Variants in IP6K2 observed in about 807,000 individuals in gnomAD.
IP6K2 encodes ATP:1D-myo-inositol-hexakisphosphate phosphotransferase.
IP6K2 carries 9 observed loss-of-function variants against 43.3 expected under a neutral mutation model. That is an observed-to-expected ratio of 0.21 (90% CI 0.13 to 0.36). The LOEUF (loss-of-function observed/expected upper bound fraction) is 0.36, where lower values mean the gene tolerates loss of function less well. Ranked by LOEUF, IP6K2 falls within the 10% of genes least tolerant of loss-of-function variation. The pLI, the probability that IP6K2 is intolerant of heterozygous loss-of-function variation, is 1.00. For missense variants in IP6K2, 332 were observed against 538.4 expected (o/e 0.62, Z 3.79); for synonymous variants, 209 against 202.4 (o/e 1.03, Z -0.28).
At chr3:48,700,715 C>T (rs2078920391) in intron 1 of IP6K2, among the ~76,000 whole-genome samples, 1 of 152,130 alleles carries the variant, frequency 6.6e-6, no homozygotes, top group African/African-American at 2.4e-5. Context: ...CCCCTGGGTC[C>T]TTAGTTCACT....
intron 1 of IP6K2, among the ~76,000 whole-genome samples, chr3:48,709,704 G>A (rs530940805): frequency 5.8e-4 from 88 of 152,220 alleles, no homozygotes; most frequent in Admixed American, 3.9e-3. Context: ...GGGCGTGGTG[G>A]CAGGTGCCTG....
chr3:48,704,121 AAAC>A (rs1348525357), intron 1 of IP6K2, among the ~76,000 whole-genome samples: 2 of 152,188 alleles, frequency 1.3e-5, no homozygotes, highest in Non-Finnish European at 2.9e-5. Flanking sequence ...AGAAAAAAAC[AAAC>A]AATAAAAAAC....
chr3:48,695,313 G>T lies in IP6K2; in HGVS notation c.-22C>A. 1 of 1,597,552 alleles carries T rather than the reference G, an allele frequency of 6.3e-7. No individual in the cohort carries two copies. The stretch of plus-strand genomic sequence containing the variant: ...TCATCCTCCGGGCGCAGATGGCGGG[G>T]AGATGGGGGAGGCAGCGGAGTCCAG... On this transcript the variant is annotated 5_prime_UTR_variant, in exon 2 of 6. Coordinates refer to ENST00000328631, the MANE Select transcript of IP6K2 (RefSeq NM_016291.4). This position sits in a 1 kb window ranked among gnomAD's most constrained non-coding sequence, Gnocchi z 4.6.
intron 2 of IP6K2, 158 bp from the exon 3 acceptor site, chr3:48,693,337 A>T: frequency 9.1e-7 from 1 of 1,100,816 alleles, no homozygotes; most frequent in Non-Finnish European, 1.4e-6. Context: ...ATATCAAAAC[A>T]GCTAGAAAAG....
Position 48,689,590 on chromosome 3 carries a change from T to A in IP6K2, c.728A>T (p.Lys243Ile). Residue 243 changes from lysine to isoleucine, a missense_variant, in exon 5 of 6, where the codon AAA (lysine) becomes ATA (isoleucine). Coordinates refer to ENST00000328631, the MANE Select transcript of IP6K2 (RefSeq NM_016291.4). ...GACTGCAGATGTGCTCTGCTGACAT[T>A]TTCGGATCTGGTTGGCTGCCTTCTC... ...SEEKAANQIRKCQQSTSAVIG... is the reference protein window; with the variant it reads ...SEEKAANQIRICQQSTSAVIG... The A allele has an allele frequency of 6.2e-7, 1 of 1,614,180 alleles. No individual in the cohort carries two copies. The highest frequency in any genetic ancestry group is 8.5e-7 in the Non-Finnish European group (1 of 1,180,034).
At chr3:48,702,589 G>A (rs772752053) in intron 1 of IP6K2, among the ~76,000 whole-genome samples, 15 of 152,064 alleles carry the variant, frequency 9.9e-5, no homozygotes, top group Non-Finnish European at 1.3e-4. Flanking sequence ...GACTACAGGC[G>A]TGCACCACCA....
At chr3:48,698,423 T>A (rs2078650364) in intron 1 of IP6K2, among the ~76,000 whole-genome samples, 1 of 152,038 alleles carries the variant, frequency 6.6e-6, no homozygotes, top group South Asian at 2.1e-4. Context: ...AGGTAGGAGA[T>A]CACTTGAGAC....
intron 2 of IP6K2, chr3:48,693,983 C>A: frequency 7.3e-6 from 10 of 1,370,580 alleles, no homozygotes; most frequent in Non-Finnish European, 8.5e-6. Flanking sequence ...TGCCGACGAG[C>A]GCCTTACAAA....
In IP6K2 at chr3:48,688,606, T is replaced by C. The variant is rs966293134; in HGVS notation, c.948A>G (p.Ala316=). The change falls in exon 6 of 6, where the codon GCA becomes GCG. Residue 316 remains alanine, a synonymous_variant. Transcript: ENST00000328631. The surrounding 1 kb of genome is among the most constrained non-coding windows in gnomAD (Gnocchi z 5.1). ...PVLKKLTELK[A]VLERQESYRF... ...GGTAGGACTCCTGTCGCTCCAACAC[T>C]GCCTTGAGCTCAGTCAGCTTCTTGA... The C allele has an allele frequency of 1.9e-6, 3 of 1,614,206 alleles. No individual in the cohort carries two copies. The highest frequency in any genetic ancestry group is 1.7e-5 in the Admixed American group (1 of 60,028).
At chr3:48,709,507 G>GA (rs1416002148) in intron 1 of IP6K2, among the ~76,000 whole-genome samples, 1 of 152,012 alleles carries the variant, frequency 6.6e-6, no homozygotes, top group African/African-American at 2.4e-5. Flanking sequence ...GACCAGCCCA[G>GA]AAAAAAATGA....
chr3:48,690,227 T>C (rs2077647004), intron 4 of IP6K2, among the ~76,000 whole-genome samples: 1 of 152,260 alleles, frequency 6.6e-6, no homozygotes, highest in African/African-American at 2.4e-5. Context: ...TGACTCATTA[T>C]TTCCCATTCA....
chr3:48,704,417 A>C (rs2079451342), intron 1 of IP6K2, among the ~76,000 whole-genome samples: 1 of 152,158 alleles, frequency 6.6e-6, no homozygotes, highest in Non-Finnish European at 1.5e-5. Context: ...TTAGGATAGC[A>C]TGAAGAGCTT....
rs190234798 is a variant in IP6K2 at position 48,701,516 on chromosome 3, G to A, written c.-130-6095C>T. On this transcript the variant is annotated intron_variant, in intron 1 of 5. Transcript: ENST00000328631. ...CAGGAGGTGGAGGCTACAGTGAGCC[G>A]AGATCGTGCCAGTGCACTCCAGCCT... Among the ~76,000 whole-genome samples the A allele has an allele frequency of 7.3e-3, 955 of 130,272 alleles. 11 individuals carry two copies. The highest frequency in any genetic ancestry group is 0.026 in the African/African-American group (904 of 34,764). The allele number at this position is 130,272 out of a possible 152,430, so 85.5% of individuals were successfully genotyped here.
In IP6K2 at chr3:48,694,547, GAAAT is replaced by G. The variant is rs574460998; in HGVS notation, c.202+539_202+542del. 8.9e-5 allele frequency: 135 copies of G among 1,521,176 alleles called. 1 individual carries two copies. In the East Asian group the frequency reaches 1.1e-3, roughly 13 times the overall value. The allele number at this position is 1,521,176 out of a possible 1,614,324, so 94.2% of individuals were successfully genotyped here. ...TCCCCTATAAAATACATTATAAAAA[GAAAT>G]AAAAAATTATCATATGTGAATCGAA... On this transcript the variant is annotated intron_variant, in intron 2 of 5. Coordinates refer to ENST00000328631, the MANE Select transcript of IP6K2 (RefSeq NM_016291.4).
intron 4 of IP6K2, 45 bp downstream of exon 4, chr3:48,691,262 C>T (rs1007693805): frequency 7.3e-6 from 11 of 1,510,976 alleles, no homozygotes; most frequent in Non-Finnish European, 9.9e-6. Context: ...CTCATTTCCT[C>T]TCCTCTTACC....
chr3:48,688,811 C>T lies in IP6K2; in HGVS notation c.781-38G>A. On this transcript the variant is annotated intron_variant, in intron 5 of 5. Transcript: ENST00000328631. The surrounding 1 kb of genome is among the most constrained non-coding windows in gnomAD (Gnocchi z 5.1). ...GACCAGCAAGTCAGGGGCTGAGGGC[C>T]ATCTCAAACCCTGGACCCCGGGCGG... The T allele has an allele frequency of 6.4e-7, 1 of 1,564,572 alleles. No homozygotes were observed. The highest frequency in any genetic ancestry group is 1.2e-5 in the South Asian group (1 of 83,424).
chr3:48,702,475 C>G (rs2079170847), intron 1 of IP6K2, among the ~76,000 whole-genome samples: 1 of 147,188 alleles, frequency 6.8e-6, no homozygotes, highest in Admixed American at 6.9e-5. Context: ...TAGAGTCTTG[C>G]TCTGTTGCCC....
chr3:48,688,615 C>T lies in IP6K2; in HGVS notation c.939G>A (p.Glu313=). 1 of 1,614,248 alleles carries T rather than the reference C, an allele frequency of 6.2e-7. No homozygotes were observed. ...LLGPVLKKLT[E]LKAVLERQES... ...CCTGTCGCTCCAACACTGCCTTGAG[C>T]TCAGTCAGCTTCTTGAGCACAGGGC... The change falls in exon 6 of 6, where the codon GAG becomes GAA. Residue 313 remains glutamate (E), a synonymous_variant. Transcript: ENST00000328631. The surrounding 1 kb of genome is among the most constrained non-coding windows in gnomAD (Gnocchi z 5.1).
chr3:48,697,959 T>C lies in IP6K2; in HGVS notation c.-130-2538A>G, dbSNP rs1008011844. ...ACTGAACTCAATGGCTAGGAATCAG[T>C]AAGTTTTCCCATATGCAAAGAGCAG... On this transcript the variant is annotated intron_variant, in intron 1 of 5. Coordinates refer to ENST00000328631, the MANE Select transcript of IP6K2 (RefSeq NM_016291.4). Among the ~76,000 whole-genome samples the C allele has an allele frequency of 2.6e-5, 4 of 152,210 alleles. No individual in the cohort carries two copies. In the East Asian group the frequency reaches 5.8e-4, roughly 22 times the overall value.
Sources: allele counts gnomAD v4.1 joint callset (sites outside exome capture counted in the v4.1 genomes callset), GRCh38; gene constraint gnomAD v4.1.1; non-coding constraint Gnocchi (gnomAD v3.1); transcripts MANE v1.5; gene names NCBI Gene and HGNC (gene_info 2026-07-23, HGNC 2026-07-21).